DNAAF9: variants seen among roughly 807,000 people sequenced by gnomAD.
DNAAF9 encodes the protein dynein axonemal assembly factor 9.
In DNAAF9, 90 loss-of-function variants were observed where a neutral mutation model predicts 167.0. The observed-to-expected ratio is 0.54, with a 90% CI of 0.45 to 0.64. DNAAF9 has a LOEUF of 0.64. DNAAF9 is among the 30% of genes least tolerant of loss of function. DNAAF9 has a pLI of 0.00. For synonymous variants in DNAAF9, 491 were observed against 508.8 expected (o/e 0.96, Z 0.47); for missense variants, 1,315 against 1,442.2 (o/e 0.91, Z 1.43).
intron 27 of DNAAF9, among the ~76,000 whole-genome samples, chr20:3,284,853 T>C (rs1402386791): frequency 2.6e-5 from 4 of 152,064 alleles, no homozygotes; most frequent in Admixed American, 6.6e-5. Flanking sequence ...CCAGTTTTAC[T>C]TATATTTGTG....
In DNAAF9 at chr20:3,322,263, C is replaced by T; in HGVS notation, c.1311-1G>A. The T allele has an allele frequency of 6.2e-7, 1 of 1,605,162 alleles. No individual in the cohort carries two copies. ...ATCTTCACTGTCCAGCGGTACAATT[C>T]TAGGAGGGGAAAGAGATGGAAGACT... On this transcript the variant is annotated splice_acceptor_variant, in intron 15 of 36. Transcript: ENST00000252032. LOFTEE classifies it high-confidence loss of function.
intron 10 of DNAAF9, among the ~76,000 whole-genome samples, chr20:3,338,419 C>A (rs1053627656): frequency 2.6e-5 from 4 of 151,992 alleles, no homozygotes; most frequent in Non-Finnish European, 5.9e-5. Flanking sequence ...TGTCTTTGAT[C>A]TTCTGAAGTT....
intron 6 of DNAAF9, chr20:3,360,003 C>T (rs888965339): frequency 6.4e-6 from 1 of 155,396 alleles, no homozygotes; most frequent in Non-Finnish European, 1.4e-5. Flanking sequence ...CCCAAACCCC[C>T]ACTAGTCTCA....
At position 3,270,289 on chromosome 20, in the gene DNAAF9, C is replaced by T. The variant is rs367573587; in HGVS notation, c.2786+138G>A. ...TCCCGAGTAGCTGGGACTATAGGTG[C>T]GTGCCACCGCACCTGGCTCAAAAAC... On this transcript the variant is annotated intron_variant, in intron 30 of 36. Coordinates refer to ENST00000252032, the MANE Select transcript of DNAAF9 (RefSeq NM_001009984.3). The T allele has an allele frequency of 8.7e-4, 630 of 724,684 alleles. 2 individuals are homozygous for T. The highest frequency in any genetic ancestry group is 1.3e-3 in the Non-Finnish European group (530 of 422,418). 44.9% of individuals were successfully genotyped at this position (724,684 alleles called of 1,614,324 possible).
Position 3,343,742 on chromosome 20 carries a change from G to C in DNAAF9, c.790-11C>G. 9 of 1,605,628 alleles carry C rather than the reference G, an allele frequency of 5.6e-6. No homozygotes were observed. Among genetic ancestry groups the C allele is most frequent in the Non-Finnish European group, 7.7e-6 (9 of 1,172,868 alleles). Reference sequence around the variant, plus strand: ...ATAACTTCTGAATGGCTAAAAAGAAGCCAACATTGTATATATTAAGAACAC... The same window carrying C: ...ATAACTTCTGAATGGCTAAAAAGAACCCAACATTGTATATATTAAGAACAC... On this transcript the variant is annotated splice_polypyrimidine_tract_variant and intron_variant, in intron 8 of 36. Transcript: ENST00000252032.
chr20:3,329,503 G>A (rs897018319), intron 12 of DNAAF9, among the ~76,000 whole-genome samples: 9 of 152,306 alleles, frequency 5.9e-5, no homozygotes, highest in African/African-American at 2.2e-4. Context: ...CCAGACAGGA[G>A]GAATTATAGC....
intron 1 of DNAAF9, 108 bp from the exon 2 acceptor site, chr20:3,382,614 G>T (rs77683029): frequency 1.2e-6 from 1 of 826,056 alleles, no homozygotes; most frequent in Non-Finnish European, 2.0e-6. Context: ...TGACTTTGCT[G>T]GGGATGGAAA....
At chr20:3,330,724 T>C in intron 11 of DNAAF9, 42 bp from the exon 12 acceptor site, 1 of 1,287,460 alleles carries the variant, frequency 7.8e-7, no homozygotes, top group Non-Finnish European at 1.1e-6. Context: ...GAGCACAGGA[T>C]ATGCAAACAC....
At chr20:3,271,128 A>C (rs1399577749) in intron 29 of DNAAF9, among the ~76,000 whole-genome samples, 21 of 151,984 alleles carry the variant, frequency 1.4e-4, no homozygotes, top group Non-Finnish European at 2.9e-5. Context: ...TATTATTTTA[A>C]TTCTGGTATC....
At chr20:3,343,286 C>T (rs1226302990) in intron 9 of DNAAF9, among the ~76,000 whole-genome samples, 1 of 152,076 alleles carries the variant, frequency 6.6e-6, no homozygotes, top group Middle Eastern at 3.2e-3. Context: ...TCTCAGCCTC[C>T]CGAGTAGCTG....
intron 6 of DNAAF9, among the ~76,000 whole-genome samples, chr20:3,364,807 T>C (rs1444017899): frequency 6.6e-6 from 1 of 152,206 alleles, no homozygotes; most frequent in Non-Finnish European, 1.5e-5. Context: ...CTTGCCTCCA[T>C]GCTGATACCT....
chr20:3,336,258 G>GTTTTTTTTT (rs367718705), intron 10 of DNAAF9, among the ~76,000 whole-genome samples: 20 of 113,538 alleles, frequency 1.8e-4, no homozygotes, highest in South Asian at 3.0e-4. Context: ...TTGCGTTTTT[G>GTTTTTTTTT]TTTTTTTTTT....
intron 4 of DNAAF9, 85 bp downstream of exon 4, chr20:3,376,093 T>C: frequency 1.6e-6 from 2 of 1,212,660 alleles, no homozygotes; most frequent in Non-Finnish European, 2.3e-6. Flanking sequence ...TGCAATTTGA[T>C]TGCTGATCCT....
At chr20:3,296,039 C>T (rs2069070933) in intron 23 of DNAAF9, 2 of 986,174 alleles carry the variant, frequency 2.0e-6, no homozygotes, top group African/African-American at 3.2e-5. Flanking sequence ...AAATTTTCCA[C>T]CCTGGTAGTA....
chr20:3,283,108 G>T (rs1409284372), intron 27 of DNAAF9, among the ~76,000 whole-genome samples: 4 of 152,180 alleles, frequency 2.6e-5, no homozygotes, highest in Non-Finnish European at 5.9e-5. Context: ...CTTCAAGAGG[G>T]GACCTAGCCT....
Position 3,351,834 on chromosome 20 carries a change from T to TTTTATTTA in DNAAF9, c.691-3219_691-3212dup, listed in dbSNP as rs3082553. 1.3e-3 allele frequency among the ~76,000 whole-genome samples: 195 copies of TTTTATTTA among 146,224 alleles called. 3 individuals are homozygous for TTTTATTTA. Among genetic ancestry groups the TTTTATTTA allele is most frequent in the African/African-American group, 4.7e-3 (184 of 39,088 alleles). On this transcript the variant is annotated intron_variant, in intron 7 of 36. Coordinates refer to ENST00000252032, the MANE Select transcript of DNAAF9 (RefSeq NM_001009984.3). Reference sequence around the variant, plus strand: ...TATGCTATTTTCTGAGTTTGTGTTATTTTATTTATTTATTTATTTATTTAT... The same window carrying TTTTATTTA: ...TATGCTATTTTCTGAGTTTGTGTTATTTTATTTATTTATTTATTTATTTATTTATTTAT...
chr20:3,253,926 A>C (rs2068234886), intron 35 of DNAAF9, 107 bp from the exon 36 acceptor site: 1 of 686,750 alleles, frequency 1.5e-6, no homozygotes, highest in Admixed American at 2.5e-5. Context: ...CTACTCTGCT[A>C]TACAGAGGAG....
intron 12 of DNAAF9, among the ~76,000 whole-genome samples, chr20:3,327,047 A>G (rs762126189): frequency 6.6e-6 from 1 of 151,794 alleles, no homozygotes; most frequent in Non-Finnish European, 1.5e-5. Flanking sequence ...TATTACTGGA[A>G]CCTCCGGGTA....
rs1555793457 is a variant in DNAAF9 at position 3,336,260 on chromosome 20, T to TTTTTTTG, written c.982-3900_982-3899insCAAAAAA. ...CAGATTCACAGTTTTGCGTTTTTGT[T>TTTTTTTG]TTTTTTTTTTTTTTTGCCAAATTTG... On this transcript the variant is annotated intron_variant, in intron 10 of 36. Coordinates refer to ENST00000252032, the MANE Select transcript of DNAAF9 (RefSeq NM_001009984.3). Among the ~76,000 whole-genome samples, 994 of 141,760 alleles carry TTTTTTTG rather than the reference T, an allele frequency of 7.0e-3. 14 individuals are homozygous for TTTTTTTG. The highest frequency in any genetic ancestry group is 0.027 in the African/African-American group (938 of 35,040). The allele number at this position is 141,760 out of a possible 152,430, so 93.0% of individuals were successfully genotyped here.
Sources: allele counts gnomAD v4.1 joint callset (sites outside exome capture counted in the v4.1 genomes callset), GRCh38; gene constraint gnomAD v4.1.1; transcripts MANE v1.5; gene names NCBI Gene and HGNC (gene_info 2026-07-23, HGNC 2026-07-21).